The following DMD variants were observed in gnomAD, a reference collection of about 807,000 sequenced individuals.
DMD encodes dystrophin.
Under a neutral mutation model 330.1 loss-of-function variants are expected in DMD, and 63 were observed. The observed-to-expected ratio is 0.19, with a 90% CI of 0.16 to 0.24. DMD has a LOEUF of 0.24. Among genes scored for constraint, DMD ranks in the 10% least tolerant of loss-of-function variants. DMD has a pLI of 1.00. For missense variants in DMD, 3,344 were observed against 2,684.1 expected (o/e 1.25, Z -5.43); for synonymous variants, 1,223 against 959.8 (o/e 1.27, Z -5.07).
chrX:32,700,856 T>TG (rs1403699206), intron 7 of DMD, among the ~76,000 whole-genome samples: 5 of 111,752 alleles, frequency 4.5e-5, no homozygotes, highest in African/African-American at 6.5e-5. Flanking sequence ...TGATTATAAG[T>TG]GAAAAAGCCA....
intron 1 of DMD, among the ~76,000 whole-genome samples, chrX:33,247,925 G>C (rs7060538): frequency 0.2 from 22,163 of 111,250 alleles, 3,657 homozygotes; most frequent in African/African-American, 0.56. Context: ...AATTAAGTTG[G>C]TTATTCAAAA....
intron 49 of DMD, among the ~76,000 whole-genome samples, chrX:31,833,287 AGAGAGGGAGAGAGG>A (rs1483748405): frequency 0.01 from 111 of 11,042 alleles, 1 homozygote; most frequent in African/African-American, 0.074. Flanking sequence ...AGAGAGAGAG[AGAGAGGGAGAGAGG>A]GAGAGAGGGA....
chrX:32,272,212 A>C (rs1193694312), intron 43 of DMD, among the ~76,000 whole-genome samples: 1 of 111,986 alleles, frequency 8.9e-6, no homozygotes, highest in Admixed American at 9.5e-5. Context: ...AATCCAGACA[A>C]TGGAATAATT....
At chrX:32,762,372 G>T (rs2072435945) in intron 7 of DMD, among the ~76,000 whole-genome samples, 1 of 110,836 alleles carries the variant, frequency 9.0e-6, no homozygotes, top group Non-Finnish European at 1.9e-5. Context: ...CATCTCTTCG[G>T]CATTCTCCTA....
intron 11 of DMD, among the ~76,000 whole-genome samples, chrX:32,636,952 A>C (rs1032800409): frequency 3.0e-4 from 33 of 109,894 alleles, no homozygotes; most frequent in Middle Eastern, 4.7e-3. Flanking sequence ...GAGCCGAGAT[A>C]GCGCCACTGC....
At position 32,329,324 on chromosome X, in the gene DMD, A is replaced by G. The variant is rs144590060; in HGVS notation, c.5922+12776T>C. Among the ~76,000 whole-genome samples the G allele has an allele frequency of 4.7e-3, 527 of 112,333 alleles. 2 individuals are homozygous for G. The highest frequency in any genetic ancestry group is 0.016 in the African/African-American group (501 of 30,975). ...TGTCGAAGGCAGGCCACCTGTGGAGATAATGTTCACTCTGCATCCTGCAAT... is the reference window on the plus strand; with the variant it reads ...TGTCGAAGGCAGGCCACCTGTGGAGGTAATGTTCACTCTGCATCCTGCAAT... On this transcript the variant is annotated intron_variant, in intron 41 of 78. Transcript: ENST00000357033.
intron 76 of DMD, among the ~76,000 whole-genome samples, chrX:31,144,110 C>T (rs1032928849): frequency 1.8e-5 from 2 of 111,815 alleles, no homozygotes; most frequent in African/African-American, 6.5e-5. Flanking sequence ...AAATCAAAAC[C>T]TGGCTTTCCT....
chrX:31,892,473 A>T (rs764087348), intron 47 of DMD, among the ~76,000 whole-genome samples: 1 of 111,121 alleles, frequency 9.0e-6, no homozygotes, highest in East Asian at 2.9e-4. Flanking sequence ...GTACTGAAAA[A>T]AAAAAAGAAT....
intron 1 of DMD, among the ~76,000 whole-genome samples, chrX:33,175,830 A>G (rs1433537263): frequency 8.9e-6 from 1 of 111,962 alleles, no homozygotes; most frequent in Non-Finnish European, 1.9e-5. Context: ...TAAGATAATA[A>G]TAAGTAAAAT....
chrX:32,687,450 A>G (rs779097512), intron 9 of DMD, among the ~76,000 whole-genome samples: 2 of 111,895 alleles, frequency 1.8e-5, no homozygotes, highest in South Asian at 7.4e-4. Context: ...ACCCCTGACT[A>G]TGGAAGAAGT....
intron 55 of DMD, among the ~76,000 whole-genome samples, chrX:31,562,537 T>C (rs2075253067): frequency 8.9e-6 from 1 of 112,354 alleles, no homozygotes; most frequent in Non-Finnish European, 1.9e-5. Context: ...CCCTTACTAC[T>C]ATGAGGAAGC....
chrX:32,479,436 T>C (rs1441103206), intron 21 of DMD, among the ~76,000 whole-genome samples: 1 of 111,026 alleles, frequency 9.0e-6, no homozygotes, highest in Non-Finnish European at 1.9e-5. Flanking sequence ...TTTCCCAACC[T>C]TCCTCTTCCC....
chrX:31,609,714 T>C (rs2077805958), intron 55 of DMD, among the ~76,000 whole-genome samples: 1 of 111,912 alleles, frequency 8.9e-6, no homozygotes, highest in African/African-American at 3.2e-5. Flanking sequence ...TAATTTGCTT[T>C]CTATGTGCAA....
At chrX:33,157,541 A>G (rs191668088) in intron 1 of DMD, among the ~76,000 whole-genome samples, 15 of 112,529 alleles carry the variant, frequency 1.3e-4, no homozygotes, top group African/African-American at 4.8e-4. Context: ...GTGATAACAC[A>G]ATCCTCAATG....
chrX:31,553,115 C>T (rs1017093214), intron 55 of DMD, among the ~76,000 whole-genome samples: 1 of 111,803 alleles, frequency 8.9e-6, no homozygotes, highest in Admixed American at 9.5e-5. Context: ...AATTCTCAGG[C>T]CCCATCCCAG....
intron 50 of DMD, among the ~76,000 whole-genome samples, chrX:31,797,638 T>C (rs2091888883): frequency 8.9e-6 from 1 of 112,013 alleles, no homozygotes; most frequent in African/African-American, 3.2e-5. Flanking sequence ...AAGCAAACTA[T>C]AGTAAGAAAG....
intron 44 of DMD, among the ~76,000 whole-genome samples, chrX:32,081,184 C>A (rs758308726): frequency 8.9e-6 from 1 of 112,005 alleles, no homozygotes; most frequent in Non-Finnish European, 1.9e-5. Context: ...ATATGATGTT[C>A]CATCTCAGCT....
rs185860991 is a variant in DMD, at chrX:32,601,477, A to T, written c.1483-5601T>A. Among the ~76,000 whole-genome samples the T allele has an allele frequency of 5.4e-5, 6 of 111,924 alleles. No individual in the cohort carries two copies. In the Admixed American group the frequency reaches 5.7e-4, roughly 11 times the overall value. On this transcript the variant is annotated intron_variant, in intron 12 of 78. Transcript: ENST00000357033. ...TTTCAATGGAGAGATTTGAAAGGCTATACAAGCACACTAAATGCTTCTCAA... is the reference window on the plus strand; with the variant it reads ...TTTCAATGGAGAGATTTGAAAGGCTTTACAAGCACACTAAATGCTTCTCAA...
At chrX:32,265,370 T>A (rs769764110) in intron 43 of DMD, among the ~76,000 whole-genome samples, 13 of 112,582 alleles carry the variant, frequency 1.2e-4, no homozygotes, top group African/African-American at 3.9e-4. Context: ...TCTACCTAGA[T>A]TTCAGAGGAT....
Sources: allele counts gnomAD v4.1 joint callset (sites outside exome capture counted in the v4.1 genomes callset), GRCh38; gene constraint gnomAD v4.1.1; transcripts MANE v1.5; gene names NCBI Gene and HGNC (gene_info 2026-07-23, HGNC 2026-07-21).